The following RSPO2 variants were observed in gnomAD, a reference collection of about 807,000 sequenced individuals.
RSPO2 encodes the protein R-spondin 2, also known as R-spondin-2.
Under a neutral mutation model 30.9 loss-of-function variants are expected in RSPO2, and 14 were observed. The observed-to-expected ratio is 0.45, with a 90% CI of 0.30 to 0.71. RSPO2 has a LOEUF of 0.71. Among genes scored for constraint, RSPO2 ranks in the 30% least tolerant of loss-of-function variants. The pLI is 0.08. For synonymous variants in RSPO2, 107 were observed against 96.4 expected, an observed-to-expected ratio of 1.11 and a Z score of -0.64; for missense variants, 264 against 301.9, an observed-to-expected ratio of 0.87 and a Z score of 0.93.
At chr8:108,080,355 T>C (rs1301740593) in intron 2 of RSPO2, among the ~76,000 whole-genome samples, 1 of 151,572 alleles carries the variant, frequency 6.6e-6, no homozygotes, top group African/African-American at 2.4e-5. Flanking sequence ...AAAGTTTGAT[T>C]TTTTTTTTAC....
intron 2 of RSPO2, among the ~76,000 whole-genome samples, chr8:108,042,187 A>AC (rs1811779911): frequency 6.6e-6 from 1 of 152,140 alleles, no homozygotes; most frequent in Non-Finnish European, 1.5e-5. Flanking sequence ...CTCCTGAGTC[A>AC]CCCACATGGT....
chr8:107,997,503 A>T (rs1266235121), intron 2 of RSPO2, among the ~76,000 whole-genome samples: 1 of 152,194 alleles, frequency 6.6e-6, no homozygotes, highest in Non-Finnish European at 1.5e-5. Context: ...CCAAAATTCT[A>T]AAGATGAAAT....
chr8:108,029,654 A>T (rs1811351055), intron 2 of RSPO2, among the ~76,000 whole-genome samples: 1 of 152,230 alleles, frequency 6.6e-6, no homozygotes, highest in Admixed American at 6.5e-5. Context: ...ATTCCCAAGA[A>T]GAACAATGAT....
chr8:107,946,206 C>A (rs534310481), intron 5 of RSPO2, among the ~76,000 whole-genome samples: 11 of 152,356 alleles, frequency 7.2e-5, no homozygotes, highest in African/African-American at 2.6e-4. Context: ...GTGAAGCAAG[C>A]ATCTGTTATC....
intron 3 of RSPO2, among the ~76,000 whole-genome samples, chr8:107,987,900 T>C (rs1399509202): frequency 6.6e-6 from 1 of 152,080 alleles, no homozygotes; most frequent in Non-Finnish European, 1.5e-5. Context: ...AAATATGAGA[T>C]TTAATTATCT....
intron 3 of RSPO2, among the ~76,000 whole-genome samples, chr8:107,969,529 G>A (rs1422221699): frequency 6.6e-6 from 1 of 152,124 alleles, no homozygotes; most frequent in African/African-American, 2.4e-5. Flanking sequence ...GTAAAATTAT[G>A]TGGTCAAATA....
chr8:107,907,697 A>C (rs999611106), intron 5 of RSPO2, among the ~76,000 whole-genome samples: 1 of 152,124 alleles, frequency 6.6e-6, no homozygotes, highest in African/African-American at 2.4e-5. Flanking sequence ...ACAATCATTC[A>C]GAATATCAGG....
intron 2 of RSPO2, among the ~76,000 whole-genome samples, chr8:108,034,763 C>T (rs1811539263): frequency 6.6e-6 from 1 of 150,988 alleles, no homozygotes; most frequent in South Asian, 2.1e-4. Context: ...GTCAAAGCTA[C>T]GTGATAATCA....
intron 5 of RSPO2, among the ~76,000 whole-genome samples, chr8:107,944,576 C>A (rs573079190): frequency 6.6e-6 from 1 of 152,244 alleles, no homozygotes; most frequent in South Asian, 2.1e-4. Context: ...CAAAAAAAAT[C>A]TTAATTGCAT....
At chr8:107,927,139 T>A (rs1049132351) in intron 5 of RSPO2, among the ~76,000 whole-genome samples, 1 of 152,202 alleles carries the variant, frequency 6.6e-6, no homozygotes, top group African/African-American at 2.4e-5. Flanking sequence ...TTCCTAGGTA[T>A]TTTATTCTCT....
At chr8:107,940,641 A>G (rs1042176078) in intron 5 of RSPO2, among the ~76,000 whole-genome samples, 11 of 152,318 alleles carry the variant, frequency 7.2e-5, no homozygotes, top group African/African-American at 2.4e-4. Flanking sequence ...CTGCCTCAAC[A>G]AAACCCCTTC....
chr8:108,008,846 G>GA (rs1471598245), intron 2 of RSPO2, among the ~76,000 whole-genome samples: 2 of 150,404 alleles, frequency 1.3e-5, no homozygotes, highest in Non-Finnish European at 3.0e-5. Flanking sequence ...TTCTTTGCAA[G>GA]AAAGTACATA....
At chr8:107,922,686 C>T (rs912836025) in intron 5 of RSPO2, among the ~76,000 whole-genome samples, 1 of 152,112 alleles carries the variant, frequency 6.6e-6, no homozygotes, top group Non-Finnish European at 1.5e-5. Flanking sequence ...CACTACCTGA[C>T]TTCAAACTAC....
At chr8:108,068,238 G>A (rs1175061548) in intron 2 of RSPO2, among the ~76,000 whole-genome samples, 1 of 152,154 alleles carries the variant, frequency 6.6e-6, no homozygotes, top group Non-Finnish European at 1.5e-5. Context: ...CAACTTTAGA[G>A]GAAGAAAGGA....
rs574326808 is a variant in RSPO2 at position 108,055,404 on chromosome 8, T to C, written c.94+27141A>G. Among the ~76,000 whole-genome samples, 9 of 152,172 alleles carry C rather than the reference T, an allele frequency of 5.9e-5. No individual in the cohort carries two copies. In the East Asian group the frequency reaches 1.4e-3, roughly 23 times the overall value. ...GGAGTTTGTTTTATTTGAGGTGTAA[T>C]AGAAATCCACTGAAGCATTTAAATG... is the stretch of plus-strand genomic sequence containing the variant. On this transcript the variant is annotated intron_variant, in intron 2 of 5. Transcript: ENST00000276659.
At chr8:108,064,214 A>C (rs1586672402) in intron 2 of RSPO2, among the ~76,000 whole-genome samples, 1 of 152,224 alleles carries the variant, frequency 6.6e-6, no homozygotes, top group East Asian at 1.9e-4. Flanking sequence ...CTGCACAGCA[A>C]AAGAAACTAC....
At chr8:108,007,493 T>A (rs1244647728) in intron 2 of RSPO2, among the ~76,000 whole-genome samples, 1 of 152,104 alleles carries the variant, frequency 6.6e-6, no homozygotes, top group Non-Finnish European at 1.5e-5. Flanking sequence ...GAATCACCAA[T>A]AATGGGACAA....
intron 5 of RSPO2, among the ~76,000 whole-genome samples, chr8:107,914,556 T>A (rs1009882112): frequency 2.0e-5 from 3 of 152,084 alleles, no homozygotes; most frequent in African/African-American, 7.2e-5. Flanking sequence ...GAATTGCAAC[T>A]ACAAAGCTAT....
chr8:108,046,727 G>T (rs369806252), intron 2 of RSPO2, among the ~76,000 whole-genome samples: 3 of 152,040 alleles, frequency 2.0e-5, no homozygotes, highest in Non-Finnish European at 4.4e-5. Context: ...TCATATCAGG[G>T]TATGCAATTT....
Sources: allele counts gnomAD v4.1 joint callset (sites outside exome capture counted in the v4.1 genomes callset), GRCh38; gene constraint gnomAD v4.1.1; transcripts MANE v1.5; gene names NCBI Gene and HGNC (gene_info 2026-07-23, HGNC 2026-07-21).